The following PLPPR1 variants were observed in gnomAD, a reference collection of about 807,000 sequenced individuals.
The protein encoded by PLPPR1 is phospholipid phosphatase-related protein type 1.
In PLPPR1, 10 loss-of-function variants were observed where a neutral mutation model predicts 33.1. The observed-to-expected ratio is 0.30, with a 90% CI of 0.19 to 0.51. The LOEUF (loss-of-function observed/expected upper bound fraction) is 0.51, where lower values mean the gene tolerates loss of function less well. Ranked by LOEUF, PLPPR1 falls within the 20% of genes least tolerant of loss-of-function variation. PLPPR1 has a pLI of 0.97. For missense variants in PLPPR1, 304 were observed against 408.1 expected (o/e 0.74, Z 2.20); for synonymous variants, 151 against 151.0 (o/e 1.00, Z 0.00).
intron 1 of PLPPR1, among the ~76,000 whole-genome samples, chr9:101,055,750 GTC>G (rs1353045362): frequency 6.6e-6 from 1 of 152,158 alleles, no homozygotes; most frequent in East Asian, 1.9e-4. Context: ...TTATTGATCT[GTC>G]TGGTTTATTG....
At chr9:101,159,530 C>T (rs1018286546) in intron 1 of PLPPR1, among the ~76,000 whole-genome samples, 2 of 152,144 alleles carry the variant, frequency 1.3e-5, no homozygotes, top group African/African-American at 2.4e-5. Flanking sequence ...GAGAGACTTC[C>T]GTTTGGGCTA....
intron 1 of PLPPR1, among the ~76,000 whole-genome samples, chr9:101,145,843 CAAA>C (rs60592500): frequency 2.3e-3 from 298 of 128,226 alleles, no homozygotes; most frequent in African/African-American, 3.9e-3. Flanking sequence ...CTATTTCTAC[CAAA>C]AAAAAAAAAA....
chr9:101,194,504 C>T (rs12344536), intron 2 of PLPPR1, among the ~76,000 whole-genome samples: 5,497 of 152,178 alleles, frequency 0.036, 349 homozygotes, highest in African/African-American at 0.13. Flanking sequence ...AATCCTCGCA[C>T]TTTGGGAGGC....
intron 2 of PLPPR1, among the ~76,000 whole-genome samples, chr9:101,265,177 C>T (rs1205703963): frequency 6.6e-6 from 1 of 152,198 alleles, no homozygotes; most frequent in Admixed American, 6.5e-5. Context: ...AAACACAGTG[C>T]TTTTAACCAC....
At chr9:101,246,130 A>G (rs1409362690) in intron 2 of PLPPR1, among the ~76,000 whole-genome samples, 1 of 142,876 alleles carries the variant, frequency 7.0e-6, no homozygotes, top group African/African-American at 2.5e-5. Flanking sequence ...ATAGATTTGT[A>G]TAAGCACTGA....
chr9:101,232,959 A>G (rs557136596), intron 2 of PLPPR1, among the ~76,000 whole-genome samples: 1 of 152,148 alleles, frequency 6.6e-6, no homozygotes, highest in African/African-American at 2.4e-5. Context: ...GTCTGATCCT[A>G]CACTGAACAA....
intron 2 of PLPPR1, among the ~76,000 whole-genome samples, chr9:101,247,272 G>A (rs143581864): frequency 3.5e-4 from 53 of 152,024 alleles, no homozygotes; most frequent in African/African-American, 1.2e-3. Context: ...ATTCAGAAAC[G>A]TGGTCTCCAC....
chr9:101,179,192 T>C (rs753769655), intron 1 of PLPPR1, among the ~76,000 whole-genome samples: 1 of 152,148 alleles, frequency 6.6e-6, no homozygotes, highest in Non-Finnish European at 1.5e-5. Flanking sequence ...CCATGCCTTG[T>C]GATTAAGGTC....
intron 1 of PLPPR1, among the ~76,000 whole-genome samples, chr9:101,181,536 C>A (rs1443317449): frequency 6.6e-6 from 1 of 151,074 alleles, no homozygotes; most frequent in African/African-American, 2.4e-5. Context: ...CAGCATTATT[C>A]ACAACAGCCA....
At chr9:101,172,298 A>G (rs1244972325) in intron 1 of PLPPR1, among the ~76,000 whole-genome samples, 4 of 152,090 alleles carry the variant, frequency 2.6e-5, no homozygotes, top group African/African-American at 9.7e-5. Context: ...GTCTTTTGCA[A>G]AATAAAAGAT....
At chr9:101,082,340 G>A (rs1830630219) in intron 1 of PLPPR1, among the ~76,000 whole-genome samples, 2 of 152,058 alleles carry the variant, frequency 1.3e-5, no homozygotes, top group Admixed American at 1.3e-4. Flanking sequence ...TATTTTGGGG[G>A]TAATTTTTTT....
intron 1 of PLPPR1, among the ~76,000 whole-genome samples, chr9:101,091,591 T>C (rs953873001): frequency 3.3e-5 from 5 of 152,174 alleles, no homozygotes; most frequent in African/African-American, 7.2e-5. Context: ...TGTGGTCACA[T>C]TGGGCCTACC....
intron 1 of PLPPR1, among the ~76,000 whole-genome samples, chr9:101,171,043 C>A (rs1364730960): frequency 6.6e-6 from 1 of 152,078 alleles, no homozygotes; most frequent in Non-Finnish European, 1.5e-5. Context: ...GGCCAGGGGT[C>A]CCCAACCCCA....
At chr9:101,165,631 A>G (rs888727982) in intron 1 of PLPPR1, among the ~76,000 whole-genome samples, 1 of 152,174 alleles carries the variant, frequency 6.6e-6, no homozygotes, top group Non-Finnish European at 1.5e-5. Context: ...TCTGGGCCAG[A>G]TGAAGGTTGA....
chr9:101,212,374 C>A (rs953535451), intron 2 of PLPPR1, among the ~76,000 whole-genome samples: 1 of 152,136 alleles, frequency 6.6e-6, no homozygotes, highest in African/African-American at 2.4e-5. Context: ...TGGGCCACCA[C>A]TCCCGGCCAC....
At chr9:101,129,210 C>A (rs922700780) in intron 1 of PLPPR1, among the ~76,000 whole-genome samples, 1 of 152,032 alleles carries the variant, frequency 6.6e-6, no homozygotes, top group Non-Finnish European at 1.5e-5. Flanking sequence ...TTAAGACTGC[C>A]TATATCAAAT....
intron 2 of PLPPR1, among the ~76,000 whole-genome samples, chr9:101,202,978 C>T (rs992393036): frequency 1.3e-5 from 2 of 152,132 alleles, no homozygotes; most frequent in East Asian, 1.9e-4. Context: ...CAGTAATGCT[C>T]AATAAACTCC....
In PLPPR1 at chr9:101,292,334, T is replaced by G. The variant is rs1828526998; in HGVS notation, c.385+6098T>G. On this transcript the variant is annotated intron_variant, in intron 4 of 7. Transcript: ENST00000374874. ...CTCTGATTGGTGTACCTGAAAGTGATGGGGAGAATGGAACCAAGTTGGAAA... is the reference window on the plus strand; with the variant it reads ...CTCTGATTGGTGTACCTGAAAGTGAGGGGGAGAATGGAACCAAGTTGGAAA... 3.3e-5 allele frequency among the ~76,000 whole-genome samples: 5 copies of G among 152,228 alleles called. No homozygotes were observed. In the South Asian group the frequency reaches 1.0e-3, roughly 32 times the overall value.
At chr9:101,179,693 A>G (rs906585636) in intron 1 of PLPPR1, among the ~76,000 whole-genome samples, 2 of 152,078 alleles carry the variant, frequency 1.3e-5, no homozygotes, top group South Asian at 2.1e-4. Context: ...CATGGGTTCA[A>G]GTTGACAAGG....
Sources: gnomAD v4.1 joint callset for allele counts (sites outside exome capture counted in the v4.1 genomes callset) on GRCh38, gnomAD v4.1.1 for gene constraint, MANE v1.5 for transcripts, NCBI Gene and HGNC (gene_info 2026-07-23, HGNC 2026-07-21) for gene names.